Variants in TPD52L2 observed in about 807,000 individuals in gnomAD.
The protein encoded by TPD52L2 is TPD52 like 2.
In TPD52L2, 19 loss-of-function variants were observed where a neutral mutation model predicts 24.7. The ratio of observed to expected loss-of-function variants is 0.77; its 90% CI spans 0.54 to 1.13. The LOEUF is 1.13. TPD52L2 is among the 50% of genes most tolerant of loss of function. The pLI, the probability that TPD52L2 is intolerant of heterozygous loss-of-function variation, is 0.00. For missense variants in TPD52L2, 236 were observed against 250.4 expected (o/e 0.94, Z 0.39); for synonymous variants, 104 against 100.2 (o/e 1.04, Z -0.23).
chr20:63,866,515 C>T (rs2052242028), intron 1 of TPD52L2, among the ~76,000 whole-genome samples: 2 of 152,224 alleles, frequency 1.3e-5, no homozygotes, highest in South Asian at 2.1e-4. Context: ...GGCTGGAGCG[C>T]AGTGGCTAGA....
Position 63,890,081 on chromosome 20 carries a change from GGA to G in TPD52L2, c.*139_*140del, listed in dbSNP as rs746388828. Reference sequence around the variant, plus strand: ...TGAGGACAGTCCTGCCCATCCACGCGGAGATGTGGCTGCCGCGTTTGCATGAA... The same window carrying G: ...TGAGGACAGTCCTGCCCATCCACGCGGATGTGGCTGCCGCGTTTGCATGAA... On this transcript the variant is annotated 3_prime_UTR_variant, in exon 7 of 7. Coordinates refer to ENST00000346249, the MANE Select transcript of TPD52L2 (RefSeq NM_003288.4). The G allele has an allele frequency of 4.6e-6, 7 of 1,509,764 alleles. No individual in the cohort carries two copies. Among genetic ancestry groups the G allele is most frequent in the Non-Finnish European group, 6.2e-6 (7 of 1,126,490 alleles). The allele number at this position is 1,509,764 out of a possible 1,614,324, so 93.5% of individuals were successfully genotyped here. A position where few individuals can be genotyped will look rare whatever the true frequency, so the allele number is the denominator to read the frequency against.
At chr20:63,866,010 G>T (rs544687189) in intron 1 of TPD52L2, among the ~76,000 whole-genome samples, 1 of 152,234 alleles carries the variant, frequency 6.6e-6, no homozygotes, top group Non-Finnish European at 1.5e-5. Context: ...GGGGCGTGGA[G>T]CGAGCCCAGG....
intron 4 of TPD52L2, among the ~76,000 whole-genome samples, chr20:63,881,606 A>C (rs1258588980): frequency 2.0e-5 from 3 of 152,180 alleles, no homozygotes; most frequent in Non-Finnish European, 4.4e-5. Context: ...CAGTGGGAGC[A>C]GGAGGAGCCT....
In TPD52L2 at chr20:63,865,275, C is replaced by A; in HGVS notation, c.-91C>A. The A allele has an allele frequency of 7.2e-7, 1 of 1,393,426 alleles. No homozygotes were observed. Among genetic ancestry groups the A allele is most frequent in the Non-Finnish European group, 9.4e-7 (1 of 1,062,220 alleles). 86.3% of individuals were successfully genotyped at this position (1,393,426 alleles called of 1,614,324 possible). On this transcript the variant is annotated 5_prime_UTR_variant, in exon 1 of 7. Coordinates refer to ENST00000346249, the MANE Select transcript of TPD52L2 (RefSeq NM_003288.4). ...AAACGCCGCGGAGCTGAGGCAGTTC[C>A]GCTGGCTAGTGTGTACGCGGCGAGC... is the stretch of plus-strand genomic sequence containing the variant.
rs750941637 is a variant in TPD52L2 at position 63,869,374 on chromosome 20, C to T, written c.98C>T (p.Ala33Val). ...TDVPVDTGVAARTPAVEGLTE... is the reference protein window; with the variant it reads ...TDVPVDTGVAVRTPAVEGLTE... Reference sequence around the variant, plus strand: ...GTTCCTGTCGACACAGGTGTGGCTGCCCGGACTCCTGCTGTTGAGGGTCTG... The same window carrying T: ...GTTCCTGTCGACACAGGTGTGGCTGTCCGGACTCCTGCTGTTGAGGGTCTG... The change falls in exon 2 of 7, where the codon GCC (alanine) becomes GTC (valine). Residue 33 changes from alanine to valine, a missense_variant. Ala to Val is a moderately conservative substitution (Grantham distance 64). Coordinates refer to ENST00000346249, the MANE Select transcript of TPD52L2 (RefSeq NM_003288.4). 128 of 1,614,058 alleles carry T rather than the reference C, an allele frequency of 7.9e-5. No individual in the cohort carries two copies. Among genetic ancestry groups the T allele is most frequent in the Non-Finnish European group, 1.0e-4 (122 of 1,180,030 alleles).
At chr20:63,873,497 A>AG (rs2052544873) in intron 2 of TPD52L2, among the ~76,000 whole-genome samples, 171 bp from the exon 3 acceptor site, 1 of 152,118 alleles carries the variant, frequency 6.6e-6, no homozygotes, top group African/African-American at 2.4e-5. Flanking sequence ...CAAAAAAAAA[A>AG]AAAAACCAAA....
At chr20:63,881,982 A>G (rs549385304) in intron 4 of TPD52L2, among the ~76,000 whole-genome samples, 1 of 152,198 alleles carries the variant, frequency 6.6e-6, no homozygotes, top group East Asian at 1.9e-4. Context: ...GATGGGATGT[A>G]CCCATGTGGG....
intron 3 of TPD52L2, among the ~76,000 whole-genome samples, chr20:63,875,220 C>A (rs1033450269): frequency 2.0e-5 from 3 of 151,562 alleles, no homozygotes; most frequent in Non-Finnish European, 4.4e-5. Flanking sequence ...CTGACCCTCC[C>A]CGATGACGAC....
At chr20:63,875,009 G>C (rs918825080) in intron 3 of TPD52L2, among the ~76,000 whole-genome samples, 22 of 152,006 alleles carry the variant, frequency 1.4e-4, no homozygotes, top group African/African-American at 5.3e-4. Context: ...GGGCGTGGTG[G>C]TGCGCACCTG....
chr20:63,878,734 G>T lies in TPD52L2; in HGVS notation c.374+2859G>T, dbSNP rs555398000. The stretch of plus-strand genomic sequence containing the variant: ...CCCAGATGCCCTGTGCTGCCCAGGG[G>T]ACAGCTCACTGGCAGTGGGACGAAA... On this transcript the variant is annotated intron_variant, in intron 4 of 6. Transcript: ENST00000346249. Among the ~76,000 whole-genome samples, 20 of 152,334 alleles carry T rather than the reference G, an allele frequency of 1.3e-4. No homozygotes were observed. In the East Asian group the frequency reaches 1.4e-3, roughly 10 times the overall value.
Position 63,890,416 on chromosome 20 carries a change from C to T in TPD52L2, c.*471C>T, listed in dbSNP as rs1480161217. 6.0e-6 allele frequency: 1 copy of T among 167,672 alleles called. No homozygotes were observed. Among genetic ancestry groups the T allele is most frequent in the South Asian group, 2.0e-4 (1 of 5,106 alleles). The allele number at this position is 167,672 out of a possible 1,614,324, so 10.4% of individuals were successfully genotyped here. A position where few individuals can be genotyped will look rare whatever the true frequency, so the allele number is the denominator to read the frequency against. ...TTACGCAATTTTTTATCTCAAAATG[C>T]CGAACGAGAAAACTGTCCATTTTCT... On this transcript the variant is annotated 3_prime_UTR_variant, in exon 7 of 7. Coordinates refer to ENST00000346249, the MANE Select transcript of TPD52L2 (RefSeq NM_003288.4).
At chr20:63,887,447 C>G (rs2053173812) in intron 5 of TPD52L2, 6 of 1,151,814 alleles carry the variant, frequency 5.2e-6, no homozygotes, top group African/African-American at 3.0e-5. Context: ...GCAGCTCGCT[C>G]CAACTGCTGG....
intron 6 of TPD52L2, 68 bp from the exon 7 acceptor site, chr20:63,889,782 C>A: frequency 2.7e-6 from 4 of 1,460,122 alleles, no homozygotes; most frequent in Non-Finnish European, 3.8e-6. Flanking sequence ...TGAGCATGGG[C>A]CTGGGATCTG....
intron 2 of TPD52L2, 151 bp from the exon 3 acceptor site, chr20:63,873,517 T>C (rs1179754710): frequency 5.0e-6 from 4 of 792,150 alleles, no homozygotes; most frequent in Middle Eastern, 2.9e-4. Flanking sequence ...AACCCAAAAA[T>C]CAGATGTCTG....
chr20:63,881,253 T>G (rs1442548058), intron 4 of TPD52L2, among the ~76,000 whole-genome samples: 1 of 151,732 alleles, frequency 6.6e-6, no homozygotes, highest in Non-Finnish European at 1.5e-5. Flanking sequence ...CCCAGCTACT[T>G]GGGACGCTGA....
chr20:63,875,073 C>T (rs1192363215), intron 3 of TPD52L2, among the ~76,000 whole-genome samples: 2 of 151,124 alleles, frequency 1.3e-5, no homozygotes, highest in Admixed American at 6.6e-5. Context: ...ACCCGGGAGG[C>T]GGAGGTTGCA....
rs12481244 is a variant in TPD52L2, at chr20:63,869,853, A to G, written c.165+412A>G. ...AAACATATTTATTTTGGCTGGATGC[A>G]GTGGCTCATGCCTGTAATTCCAGCG... On this transcript the variant is annotated intron_variant, in intron 2 of 6. Transcript: ENST00000346249. Among the ~76,000 whole-genome samples the G allele has an allele frequency of 4.3e-3, 648 of 152,362 alleles. 19 individuals carry two copies. Among genetic ancestry groups the G allele is most frequent in the Admixed American group, 0.037 (563 of 15,304 alleles).
chr20:63,873,841 C>T, intron 3 of TPD52L2, 25 bp downstream of exon 3: 1 of 1,477,890 alleles, frequency 6.8e-7, no homozygotes, highest in South Asian at 1.4e-5. Flanking sequence ...CAGGCGCACC[C>T]CTGGGGGCTG....
At chr20:63,873,560 T>C (rs1274511216) in intron 2 of TPD52L2, 108 bp from the exon 3 acceptor site, 8 of 1,297,984 alleles carry the variant, frequency 6.2e-6, no homozygotes, top group Non-Finnish European at 8.4e-6. Flanking sequence ...GACGAGTTAA[T>C]GCTTTGGTAA....
Sources: allele counts gnomAD v4.1 joint callset (sites outside exome capture counted in the v4.1 genomes callset), GRCh38; gene constraint gnomAD v4.1.1; transcripts MANE v1.5; gene names NCBI Gene and HGNC (gene_info 2026-07-23, HGNC 2026-07-21).